Variants in MCTP2 observed in about 807,000 individuals in gnomAD.
The protein encoded by MCTP2 is multiple C2 and transmembrane domain containing 2.
In MCTP2, 132 loss-of-function variants were observed where a neutral mutation model predicts 111.6. That is an observed-to-expected ratio of 1.18 (90% confidence interval 1.03 to 1.37). The LOEUF is 1.37. Among genes scored for constraint, MCTP2 ranks in the 40% most tolerant of loss-of-function variants. The probability of loss-of-function intolerance (pLI) is 0.00; values close to 1 mark genes in which losing one functional copy is unlikely to be tolerated. For synonymous variants in MCTP2, 395 were observed against 387.7 expected, an observed-to-expected ratio of 1.02 and a Z score of -0.22; for missense variants, 1,183 against 1,067.9, an observed-to-expected ratio of 1.11 and a Z score of -1.50.
At chr15:94,388,104 C>A (rs1048558939) in intron 14 of MCTP2, among the ~76,000 whole-genome samples, 1 of 152,214 alleles carries the variant, frequency 6.6e-6, no homozygotes, top group Middle Eastern at 3.4e-3. Flanking sequence ...GCATTTTCAT[C>A]GTGGGGGATG....
At chr15:94,414,208 T>TTA in intron 17 of MCTP2, among the ~76,000 whole-genome samples, 1 of 152,226 alleles carries the variant, frequency 6.6e-6, no homozygotes. Flanking sequence ...CTAAGTCTTA[T>TTA]GGTAAAGTTC....
chr15:94,479,188 T>C lies in MCTP2; in HGVS notation c.*154T>C. On this transcript the variant is annotated 3_prime_UTR_variant, in exon 23 of 23. Transcript: ENST00000357742. Reference sequence around the variant, plus strand: ...TCCTCCTCCTTCACGTGCACAGACATACACACATGTGCACACACCCTCATG... The same window carrying C: ...TCCTCCTCCTTCACGTGCACAGACACACACACATGTGCACACACCCTCATG... 2.8e-6 allele frequency: 2 copies of C among 715,060 alleles called. No homozygotes were observed. The highest frequency in any genetic ancestry group is 3.3e-5 in the South Asian group (2 of 60,266). The allele number at this position is 715,060 out of a possible 1,614,324, so 44.3% of individuals were successfully genotyped here.
Position 94,340,759 on chromosome 15 carries a change from T to G in MCTP2, c.858-54T>G, listed in dbSNP as rs1324322801. The G allele has an allele frequency of 2.7e-6, 3 of 1,116,336 alleles. No individual in the cohort carries two copies. In the East Asian group the frequency reaches 7.2e-5, roughly 27 times the overall value. 69.2% of individuals were successfully genotyped at this position (1,116,336 alleles called of 1,614,324 possible). ...ACCATAAGCTCCTGATGCGTGTAGGTCAATACAGTCCTGTCAATAAGTGGT... is the reference window on the plus strand; with the variant it reads ...ACCATAAGCTCCTGATGCGTGTAGGGCAATACAGTCCTGTCAATAAGTGGT... On this transcript the variant is annotated intron_variant, in intron 6 of 22. Coordinates refer to ENST00000357742, the MANE Select transcript of MCTP2 (RefSeq NM_001385001.1).
rs1294776648 is a variant in MCTP2, at chr15:94,403,081, G to C, written c.2085+1062G>C. The C allele has an allele frequency of 4.1e-6, 4 of 986,520 alleles. No individual in the cohort carries two copies. The African/African-American group carries it at 5.2e-5, about 13-fold the overall frequency. The allele number at this position is 986,520 out of a possible 1,614,324, so 61.1% of individuals were successfully genotyped here. On this transcript the variant is annotated intron_variant, in intron 17 of 22. Coordinates refer to ENST00000357742, the MANE Select transcript of MCTP2 (RefSeq NM_001385001.1). ...GCCATCAAGTATATCAGCTCCAAAA[G>C]AGGCTTTTCCTTTGCCATTGGGGGG...
At chr15:94,437,201 G>C (rs563712435) in intron 17 of MCTP2, among the ~76,000 whole-genome samples, 2 of 145,464 alleles carry the variant, frequency 1.4e-5, no homozygotes, top group African/African-American at 5.1e-5. Context: ...TAGGAGGAAC[G>C]TAACATATAG....
At chr15:94,464,214 T>C (rs2085381318) in intron 20 of MCTP2, among the ~76,000 whole-genome samples, 1 of 125,578 alleles carries the variant, frequency 8.0e-6, no homozygotes, top group African/African-American at 3.2e-5. Flanking sequence ...TGATTTTGCA[T>C]GAAATATTAT....
chr15:94,460,397 G>A (rs78779592), intron 20 of MCTP2, among the ~76,000 whole-genome samples: 2,447 of 152,242 alleles, frequency 0.016, 30 homozygotes, highest in Non-Finnish European at 0.026. Context: ...TAGTGTGTCC[G>A]TGCCATGGAG....
intron 17 of MCTP2, 44 bp from the exon 18 acceptor site, chr15:94,440,132 T>C: frequency 6.2e-7 from 1 of 1,606,362 alleles, no homozygotes; most frequent in Non-Finnish European, 8.5e-7. Flanking sequence ...GCTCCCCTAG[T>C]GTTTTATCAA....
At chr15:94,300,090 G>T (rs896496808) in intron 2 of MCTP2, among the ~76,000 whole-genome samples, 4 of 152,122 alleles carry the variant, frequency 2.6e-5, no homozygotes, top group Admixed American at 2.6e-4. Flanking sequence ...ATATAATAAA[G>T]TTAATCTTCG....
At chr15:94,325,103 T>C (rs1456193313) in intron 4 of MCTP2, among the ~76,000 whole-genome samples, 1 of 152,126 alleles carries the variant, frequency 6.6e-6, no homozygotes, top group Non-Finnish European at 1.5e-5. Flanking sequence ...TGTCATGATG[T>C]GACGTGCTGA....
intron 8 of MCTP2, 132 bp downstream of exon 8, chr15:94,345,296 C>T (rs568285043): frequency 2.3e-5 from 21 of 900,918 alleles, no homozygotes; most frequent in Non-Finnish European, 2.9e-5. Context: ...ACTGCTGTTA[C>T]GAATAAGAAA....
chr15:94,442,857 G>A, intron 18 of MCTP2, 62 bp from the exon 19 acceptor site: 1 of 1,423,994 alleles, frequency 7.0e-7, no homozygotes, highest in Non-Finnish European at 9.9e-7. Flanking sequence ...ATGTGTCTGA[G>A]TTTAATTTGC....
At chr15:94,450,892 A>G (rs2084402026) in intron 19 of MCTP2, among the ~76,000 whole-genome samples, 1 of 152,226 alleles carries the variant, frequency 6.6e-6, no homozygotes, top group South Asian at 2.1e-4. Context: ...GGAGAGATTT[A>G]AAGTAACACC....
chr15:94,385,286 T>A, intron 13 of MCTP2, 137 bp from the exon 14 acceptor site: 1 of 560,540 alleles, frequency 1.8e-6, no homozygotes, highest in Non-Finnish European at 3.2e-6. Context: ...TTGATTTAAT[T>A]TTTGGAATTT....
In MCTP2 at chr15:94,315,611, G is replaced by A. The variant is rs775112883; in HGVS notation, c.611G>A (p.Arg204Gln). The change falls in exon 4 of 23, where the codon CGG becomes CAG. Residue 204 changes from arginine (R) to glutamine (Q), a missense_variant. Coordinates refer to ENST00000357742, the MANE Select transcript of MCTP2 (RefSeq NM_001385001.1). The stretch of plus-strand genomic sequence containing the variant: ...CTCACCATACACCTGAAGGAAGGCC[G>A]GAACCTGGTTGTCCGAGATCGCTGT... ...YLLTIHLKEGRNLVVRDRCGT... is the reference protein window; with the variant it reads ...YLLTIHLKEGQNLVVRDRCGT... 5.5e-5 allele frequency: 88 copies of A among 1,613,916 alleles called. No homozygotes were observed. In the East Asian group the frequency reaches 8.0e-4, roughly 15 times the overall value.
chr15:94,332,025 G>T lies in MCTP2; in HGVS notation c.638-7265G>T, dbSNP rs140999373. Among the ~76,000 whole-genome samples the T allele has an allele frequency of 1.0e-3, 155 of 152,314 alleles. 1 individual carries two copies. The highest frequency in any genetic ancestry group is 3.6e-3 in the African/African-American group (148 of 41,564). On this transcript the variant is annotated intron_variant, in intron 4 of 22. Coordinates refer to ENST00000357742, the MANE Select transcript of MCTP2 (RefSeq NM_001385001.1). The stretch of plus-strand genomic sequence containing the variant: ...TGTGCATGTTCTGTTTATTTTGGTG[G>T]ATAAAACCACTGGCTTGGAATTCTG...
chr15:94,348,342 C>G (rs1437366692), intron 8 of MCTP2, among the ~76,000 whole-genome samples: 2 of 147,000 alleles, frequency 1.4e-5, no homozygotes, highest in African/African-American at 5.1e-5. Flanking sequence ...TCCCCTCTCC[C>G]TCTCCTCTCT....
chr15:94,291,062 A>G (rs775927206), intron 1 of MCTP2, among the ~76,000 whole-genome samples: 3 of 152,358 alleles, frequency 2.0e-5, no homozygotes, highest in Non-Finnish European at 2.9e-5. Flanking sequence ...CCACTCAACC[A>G]TAGTAGCATA....
At chr15:94,448,226 G>C (rs1271773429) in intron 19 of MCTP2, among the ~76,000 whole-genome samples, 1 of 152,172 alleles carries the variant, frequency 6.6e-6, no homozygotes, top group African/African-American at 2.4e-5. Flanking sequence ...AATAGTATCA[G>C]TCTGGCCTTC....
Sources: allele counts gnomAD v4.1 joint callset (sites outside exome capture counted in the v4.1 genomes callset), GRCh38; gene constraint gnomAD v4.1.1; transcripts MANE v1.5; gene names NCBI Gene and HGNC (gene_info 2026-07-23, HGNC 2026-07-21).